Variants in TECPR2 observed in about 807,000 individuals in gnomAD.
The protein encoded by TECPR2 is tectonin beta-propeller repeat containing 2.
A neutral mutation model predicts 138.1 loss-of-function variants in TECPR2; 65 were observed. The observed-to-expected ratio is 0.47, with a 90% CI of 0.39 to 0.58. The LOEUF is 0.58. Among genes scored for constraint, TECPR2 ranks in the 20% least tolerant of loss-of-function variants. The probability of loss-of-function intolerance (pLI) is 0.00; values close to 1 mark genes in which losing one functional copy is unlikely to be tolerated. For synonymous variants in TECPR2, 746 were observed against 749.8 expected (o/e 0.99, Z 0.08); for missense variants, 1,553 against 1,824.5 (o/e 0.85, Z 2.71).
intron 1 of TECPR2, among the ~76,000 whole-genome samples, chr14:102,376,334 T>A (rs1271344151): frequency 6.6e-6 from 1 of 152,230 alleles, no homozygotes; most frequent in African/African-American, 2.4e-5. Flanking sequence ...TGTGGATTTG[T>A]GTCTTTTCAC....
Position 102,472,778 on chromosome 14 carries a change from G to A in TECPR2, c.3789+7489G>A, listed in dbSNP as rs547970367. Among the ~76,000 whole-genome samples the A allele has an allele frequency of 4.1e-4, 62 of 152,326 alleles. 2 individuals carry two copies. Among genetic ancestry groups the A allele is most frequent in the African/African-American group, 1.5e-3 (62 of 41,582 alleles). On this transcript the variant is annotated intron_variant, in intron 17 of 19. Transcript: ENST00000359520. ...ACGAGGAAATCTGTTACCCAGAACA[G>A]TTGAGCAATTTGCCCAGGATCCCAA...
At chr14:102,394,823 T>C (rs1051675470) in intron 2 of TECPR2, among the ~76,000 whole-genome samples, 2 of 152,284 alleles carry the variant, frequency 1.3e-5, no homozygotes, top group South Asian at 4.1e-4. Flanking sequence ...ACGGAGTCTG[T>C]CTTCATCACG....
In TECPR2 at chr14:102,407,424, A is replaced by G; in HGVS notation, c.306A>G (p.Ala102=). The G allele has an allele frequency of 6.2e-7, 1 of 1,613,622 alleles. No homozygotes were observed. Among genetic ancestry groups the G allele is most frequent in the Non-Finnish European group, 8.5e-7 (1 of 1,179,784 alleles). Residue 102 remains alanine, a synonymous_variant, in exon 3 of 20, where the codon GCA becomes GCG. Transcript: ENST00000359520. ...VAAGTASGRV[A]VFQLVSSLPG... ...CAGGCACAGCCTCTGGCAGGGTTGC[A>G]GTTTTTCAACTTGTATCTTCATTGC...
At chr14:102,438,966 ATTCT>A (rs1316872697) in intron 10 of TECPR2, among the ~76,000 whole-genome samples, 1 of 150,012 alleles carries the variant, frequency 6.7e-6, no homozygotes, top group Non-Finnish European at 1.5e-5. Context: ...GGTTCGCACT[ATTCT>A]CCTGCCTCAG....
rs1347593833 is a variant in TECPR2, at chr14:102,498,131, G to A, written c.4110G>A (p.Val1370=). 9 of 1,613,412 alleles carry A rather than the reference G, an allele frequency of 5.6e-6. No homozygotes were observed. The highest frequency in any genetic ancestry group is 7.6e-6 in the Non-Finnish European group (9 of 1,179,942). The change falls in exon 20 of 20, where the codon GTG becomes GTA. Residue 1370 remains valine, a synonymous_variant. Coordinates refer to ENST00000359520, the MANE Select transcript of TECPR2 (RefSeq NM_014844.5). The part of the protein sequence containing the change: ...TVTASDELWA[V]GPPGYLLQRL... ...CTGCGTCAGATGAGCTGTGGGCTGT[G>A]GGCCCGCCCGGCTACCTCCTCCAAC...
At chr14:102,472,318 C>T (rs2139777966) in intron 17 of TECPR2, among the ~76,000 whole-genome samples, 1 of 152,330 alleles carries the variant, frequency 6.6e-6, no homozygotes, top group South Asian at 2.1e-4. Context: ...TCCATGTAGA[C>T]TCTAGAATAA....
chr14:102,479,629 G>A (rs1448812089), intron 17 of TECPR2, among the ~76,000 whole-genome samples: 1 of 152,186 alleles, frequency 6.6e-6, no homozygotes, highest in Non-Finnish European at 1.5e-5. Context: ...AGATTGGGAT[G>A]GAGTGGACAT....
chr14:102,437,783 A>C (rs772683815), intron 9 of TECPR2, among the ~76,000 whole-genome samples: 1 of 152,150 alleles, frequency 6.6e-6, no homozygotes, highest in Non-Finnish European at 1.5e-5. Context: ...AACAGGAGAA[A>C]ATGTCATCCA....
chr14:102,412,629 G>GA (rs1888913732), intron 4 of TECPR2, among the ~76,000 whole-genome samples: 1 of 147,582 alleles, frequency 6.8e-6, no homozygotes, highest in Admixed American at 6.7e-5. Context: ...TTTTTTTTGA[G>GA]AAAATGTCTG....
At chr14:102,471,712 C>CTAATAATAA (rs574743029) in intron 17 of TECPR2, among the ~76,000 whole-genome samples, 8 of 151,608 alleles carry the variant, frequency 5.3e-5, no homozygotes, top group African/African-American at 1.7e-4. Context: ...GAGCACAACG[C>CTAATAATAA]TAATAATAAT....
At chr14:102,409,961 C>T (rs972820919) in intron 4 of TECPR2, among the ~76,000 whole-genome samples, 9 of 152,096 alleles carry the variant, frequency 5.9e-5, no homozygotes, top group East Asian at 1.9e-4. Flanking sequence ...CCTGCCACCA[C>T]GTCTGACTAC....
At chr14:102,364,185 A>G (rs950998021) in intron 1 of TECPR2, among the ~76,000 whole-genome samples, 12 of 152,210 alleles carry the variant, frequency 7.9e-5, no homozygotes, top group African/African-American at 2.9e-4. Context: ...CTCAAAACGC[A>G]AATCCCAGGC....
intron 17 of TECPR2, among the ~76,000 whole-genome samples, chr14:102,486,310 A>T (rs1053049050): frequency 9.9e-5 from 15 of 152,114 alleles, no homozygotes; most frequent in East Asian, 1.9e-4. Flanking sequence ...TTAAAAAAAA[A>T]TTTTTTTGAG....
Position 102,432,440 on chromosome 14 carries a change from G to A in TECPR2, c.1417+312G>A, listed in dbSNP as rs578051351. On this transcript the variant is annotated intron_variant, in intron 8 of 19. Transcript: ENST00000359520. Reference sequence around the variant, plus strand: ...TTTATATTATTTATTTATTTTTTGCGACAGAGTTTCGCTCGTCGCCCAGGC... The same window carrying A: ...TTTATATTATTTATTTATTTTTTGCAACAGAGTTTCGCTCGTCGCCCAGGC... 2.0e-4 allele frequency among the ~76,000 whole-genome samples: 31 copies of A among 151,910 alleles called. 1 individual carries two copies. Among genetic ancestry groups the A allele is most frequent in the East Asian group, 7.8e-4 (4 of 5,148 alleles).
intron 17 of TECPR2, among the ~76,000 whole-genome samples, chr14:102,467,031 T>C (rs1211542888): frequency 1.3e-5 from 2 of 152,198 alleles, no homozygotes; most frequent in African/African-American, 4.8e-5. Flanking sequence ...ACAGCTCTGT[T>C]GTATGGATAG....
At chr14:102,364,221 A>G (rs1413918879) in intron 1 of TECPR2, among the ~76,000 whole-genome samples, 2 of 152,198 alleles carry the variant, frequency 1.3e-5, no homozygotes, top group Non-Finnish European at 2.9e-5. Flanking sequence ...GAATGAAGCC[A>G]CTGTAGCTCC....
intron 4 of TECPR2, among the ~76,000 whole-genome samples, chr14:102,413,056 A>T (rs994926903): frequency 6.6e-6 from 1 of 152,128 alleles, no homozygotes; most frequent in Admixed American, 6.6e-5. Context: ...AGATTGCACC[A>T]CTACACTCCA....
At chr14:102,417,546 G>T (rs568760005) in intron 5 of TECPR2, among the ~76,000 whole-genome samples, 1 of 152,214 alleles carries the variant, frequency 6.6e-6, no homozygotes, top group Non-Finnish European at 1.5e-5. Flanking sequence ...GTCAGGAAAG[G>T]CCTCTACAAG....
intron 2 of TECPR2, among the ~76,000 whole-genome samples, chr14:102,383,700 G>T (rs1053931615): frequency 6.6e-6 from 1 of 150,880 alleles, no homozygotes; most frequent in Non-Finnish European, 1.5e-5. Flanking sequence ...GAGCCACTGC[G>T]CCCGGTCCCG....
Sources: allele counts gnomAD v4.1 joint callset (sites outside exome capture counted in the v4.1 genomes callset), GRCh38; gene constraint gnomAD v4.1.1; transcripts MANE v1.5; gene names NCBI Gene and HGNC (gene_info 2026-07-23, HGNC 2026-07-21).